MGAM2: variants seen among roughly 807,000 people sequenced by gnomAD.
MGAM2 encodes the protein maltase-glucoamylase 2 (putative).
A neutral mutation model predicts 96.1 loss-of-function variants in MGAM2; 98 were observed. That is an observed-to-expected ratio of 1.02 (90% confidence interval 0.87 to 1.21). The LOEUF is 1.21. Ranked by LOEUF, MGAM2 falls within the 50% of genes most tolerant of loss-of-function variation. The pLI is 0.00. For synonymous variants in MGAM2, 749 were observed against 414.8 expected, an observed-to-expected ratio of 1.81 and a Z score of -9.79; for missense variants, 2,055 against 1,182.4, an observed-to-expected ratio of 1.74 and a Z score of -10.82.
In MGAM2 at chr7:142,221,615, G is replaced by A. The variant is rs971294099; in HGVS notation, c.7104G>A (p.Met2368Ile). The change falls in exon 48 of 48, where the codon ATG (methionine) becomes ATA (isoleucine). Residue 2368 changes from methionine (M) to isoleucine (I), a missense_variant. Coordinates refer to ENST00000477922, the MANE Select transcript of MGAM2 (RefSeq NM_001293626.2). ...CTACCAGCACCAAAGATAATACCAT[G>A]AGTCCAGATACAACAGTTACTTCCA... is the stretch of plus-strand genomic sequence containing the variant. ...VTTTSTKDNT[M>I]SPDTTVTSID... The A allele has an allele frequency of 2.1e-6, 1 of 487,120 alleles. No individual in the cohort carries two copies. Among genetic ancestry groups the A allele is most frequent in the Non-Finnish European group, 3.6e-6 (1 of 279,366 alleles). 30.2% of individuals were successfully genotyped at this position (487,120 alleles called of 1,614,324 possible). A position where few individuals can be genotyped will look rare whatever the true frequency, so the allele number is the denominator to read the frequency against.
At chr7:142,134,298 A>G (rs1311041806) in intron 7 of MGAM2, 146 bp downstream of exon 7, 2 of 417,108 alleles carry the variant, frequency 4.8e-6, no homozygotes, top group Non-Finnish European at 4.2e-6. Flanking sequence ...GAGGCCTATA[A>G]ATTCAGGAAT....
At chr7:142,192,205 T>A (rs1796892279) in intron 37 of MGAM2, among the ~76,000 whole-genome samples, 1 of 152,150 alleles carries the variant, frequency 6.6e-6, no homozygotes, top group Admixed American at 6.5e-5. Context: ...AGGGGCAACA[T>A]GGTCTTCCAA....
intron 3 of MGAM2, among the ~76,000 whole-genome samples, chr7:142,121,003 T>G (rs182593568): frequency 1.5e-4 from 23 of 152,296 alleles, no homozygotes; most frequent in African/African-American, 5.5e-4. Flanking sequence ...TATTTAAATT[T>G]TATTTCTTGG....
Position 142,147,502 on chromosome 7 carries a change from G to A in MGAM2, c.1563G>A (p.Thr521=), listed in dbSNP as rs1215585379. ...TTGCAAGAACTCTCTGCATGGACAC[G>A]GAGTTTCATGGGGGCCTTCATTATG... The part of the protein sequence containing the change: ...LLFARTLCMD[T]EFHGGLHYDI... Residue 521 remains threonine, a synonymous_variant, in exon 15 of 48, where the codon ACG becomes ACA. Transcript: ENST00000477922. 1.0e-5 allele frequency: 7 copies of A among 702,680 alleles called. No homozygotes were observed. The highest frequency in any genetic ancestry group is 3.5e-5 in the African/African-American group (2 of 57,224). 43.5% of individuals were successfully genotyped at this position (702,680 alleles called of 1,614,324 possible).
intron 6 of MGAM2, among the ~76,000 whole-genome samples, chr7:142,132,927 T>C (rs1794943188): frequency 7.6e-6 from 1 of 131,140 alleles, no homozygotes; most frequent in Non-Finnish European, 1.5e-5. Context: ...GTCATATTTA[T>C]ACGTTAAATA....
At position 142,167,508 on chromosome 7, in the gene MGAM2, C is replaced by T. The variant is rs1002652603; in HGVS notation, c.3027+22C>T. 12 of 702,916 alleles carry T rather than the reference C, an allele frequency of 1.7e-5. No individual in the cohort carries two copies. The African/African-American group carries it at 1.9e-4, about 11-fold the overall frequency. The allele number at this position is 702,916 out of a possible 1,614,324, so 43.5% of individuals were successfully genotyped here. A position where few individuals can be genotyped will look rare whatever the true frequency, so the allele number is the denominator to read the frequency against. ...CAAGGTAAGGCCCATGTTGCAGATT[C>T]TGGTTCTCAAGATGGAGTTTTTAAT... is the stretch of plus-strand genomic sequence containing the variant. On this transcript the variant is annotated intron_variant, in intron 26 of 47. Transcript: ENST00000477922.
At chr7:142,211,019 A>C (rs1797565803) in intron 46 of MGAM2, among the ~76,000 whole-genome samples, 1 of 152,242 alleles carries the variant, frequency 6.6e-6, no homozygotes. Flanking sequence ...ACTGTTCTGC[A>C]GTCTCCACTG....
At position 142,196,236 on chromosome 7, in the gene MGAM2, C is replaced by T. The variant is rs1354813055; in HGVS notation, c.4429C>T (p.Arg1477Trp). 1.8e-5 allele frequency: 17 copies of T among 965,964 alleles called. No individual in the cohort carries two copies. The highest frequency in any genetic ancestry group is 6.0e-5 in the Admixed American group (3 of 50,376). The allele number at this position is 965,964 out of a possible 1,614,324, so 59.8% of individuals were successfully genotyped here. The change falls in exon 38 of 48, where the codon CGG becomes TGG. Residue 1477 changes from arginine to tryptophan, a missense_variant. Arg to Trp is a moderately radical substitution (Grantham distance 101). Coordinates refer to ENST00000477922, the MANE Select transcript of MGAM2 (RefSeq NM_001293626.2). ...FPSSGRWGGH[R>W]LGNNTAAWDQ... ...CTCTTCTGGACGCTGGGGAGGACACCGGTTGGGAAACAACACAGCTGCATG... is the reference window on the plus strand; with the variant it reads ...CTCTTCTGGACGCTGGGGAGGACACTGGTTGGGAAACAACACAGCTGCATG...
At chr7:142,191,431 C>T (rs1380953263) in intron 37 of MGAM2, among the ~76,000 whole-genome samples, 2 of 152,126 alleles carry the variant, frequency 1.3e-5, no homozygotes, top group Non-Finnish European at 2.9e-5. Flanking sequence ...AGGTATTACA[C>T]CAAGATCTGT....
At position 142,197,381 on chromosome 7, in the gene MGAM2, T is replaced by C. The variant is rs1797077324; in HGVS notation, c.4633-19T>C. 7.1e-6 allele frequency: 5 copies of C among 702,336 alleles called. No homozygotes were observed. The East Asian group carries it at 1.3e-4, about 19-fold the overall frequency. 43.5% of individuals were successfully genotyped at this position (702,336 alleles called of 1,614,324 possible). A position where few individuals can be genotyped will look rare whatever the true frequency, so the allele number is the denominator to read the frequency against. ...AATGAAGAAGAGGTGATCCATTATA[T>C]GCTTCTTTATCCTTACAGAGACAAG... On this transcript the variant is annotated intron_variant, in intron 40 of 47. Coordinates refer to ENST00000477922, the MANE Select transcript of MGAM2 (RefSeq NM_001293626.2).
intron 17 of MGAM2, among the ~76,000 whole-genome samples, chr7:142,157,384 C>T (rs1795764246): frequency 6.8e-6 from 1 of 148,126 alleles, no homozygotes; most frequent in Non-Finnish European, 1.5e-5. Context: ...CCTCAGAAGA[C>T]AGACACCAAT....
rs1014479593 is a variant in MGAM2, at chr7:142,220,320, G to C, written c.5809G>C (p.Val1937Leu). The C allele has an allele frequency of 8.1e-5, 57 of 701,414 alleles. No individual in the cohort carries two copies. The East Asian group carries it at 1.4e-3, about 18-fold the overall frequency. 43.4% of individuals were successfully genotyped at this position (701,414 alleles called of 1,614,324 possible). A position where few individuals can be genotyped will look rare whatever the true frequency, so the allele number is the denominator to read the frequency against. The change falls in exon 48 of 48, where the codon GTT (valine) becomes CTT (leucine). Residue 1937 changes from valine to leucine, a missense_variant. Transcript: ENST00000477922. ...TAGTACTGCTAGCACTAATGCTACT[G>C]TTCCTATCACAACCACATGTTTTGC... Reference protein sequence around the residue: ...NASTASTNATVPITTTCFATS... With the variant: ...NASTASTNATLPITTTCFATS...
chr7:142,149,821 G>C lies in MGAM2; in HGVS notation c.1634+2248G>C, dbSNP rs527722591. Among the ~76,000 whole-genome samples the C allele has an allele frequency of 8.6e-5, 13 of 151,994 alleles. No homozygotes were observed. The East Asian group carries it at 1.7e-3, about 20-fold the overall frequency. On this transcript the variant is annotated intron_variant, in intron 15 of 47. Transcript: ENST00000477922. Reference sequence around the variant, plus strand: ...CTCCCAAAGTGCTGGGATTACAGGCGTGAGCCACCGCGCCCGGCCTTACTT... The same window carrying C: ...CTCCCAAAGTGCTGGGATTACAGGCCTGAGCCACCGCGCCCGGCCTTACTT...
Position 142,164,938 on chromosome 7 carries a change from T to C in MGAM2, c.2567T>C (p.Met856Thr), listed in dbSNP as rs777825203. The C allele has an allele frequency of 5.7e-6, 4 of 702,840 alleles. No homozygotes were observed. Among genetic ancestry groups the C allele is most frequent in the South Asian group, 4.4e-5 (3 of 67,574 alleles). The allele number at this position is 702,840 out of a possible 1,614,324, so 43.5% of individuals were successfully genotyped here. ...LMFTDITILG[M>T]DKQPANFIVL... Reference sequence around the variant, plus strand: ...TTCACAGATATCACAATCTTGGGAATGGACAAACAGCCAGCTAATTTTATC... The same window carrying C: ...TTCACAGATATCACAATCTTGGGAACGGACAAACAGCCAGCTAATTTTATC... The change falls in exon 24 of 48, where the codon ATG (methionine) becomes ACG (threonine). Residue 856 changes from methionine (M) to threonine (T), a missense_variant. Physicochemically the swap from Met to Thr is moderately conservative, Grantham distance 81. Coordinates refer to ENST00000477922, the MANE Select transcript of MGAM2 (RefSeq NM_001293626.2).
At chr7:142,153,364 T>C (rs1247894388) in intron 15 of MGAM2, among the ~76,000 whole-genome samples, 1 of 152,268 alleles carries the variant, frequency 6.6e-6, no homozygotes, top group African/African-American at 2.4e-5. Flanking sequence ...ATGAAAATAA[T>C]ATTTTCTATG....
chr7:142,203,407 C>A (rs1216558795), intron 45 of MGAM2, among the ~76,000 whole-genome samples: 1 of 152,054 alleles, frequency 6.6e-6, no homozygotes, highest in Non-Finnish European at 1.5e-5. Flanking sequence ...ATTCCATGCT[C>A]ATGGATTTGA....
chr7:142,129,410 G>A (rs879360708), intron 3 of MGAM2, among the ~76,000 whole-genome samples: 13 of 152,230 alleles, frequency 8.5e-5, no homozygotes, highest in Admixed American at 2.6e-4. Flanking sequence ...GTTTTGAAAC[G>A]CGAGGCCATG....
intron 23 of MGAM2, among the ~76,000 whole-genome samples, chr7:142,163,272 A>C (rs2129087317): frequency 6.6e-6 from 1 of 152,206 alleles, no homozygotes; most frequent in East Asian, 1.9e-4. Context: ...TGTGAACATA[A>C]GTTTGTTTTT....
chr7:142,138,209 G>C (rs901808627), intron 9 of MGAM2, among the ~76,000 whole-genome samples: 2 of 152,320 alleles, frequency 1.3e-5, no homozygotes, highest in African/African-American at 2.4e-5. Flanking sequence ...CAGGAGCTAT[G>C]TTTGCTCTGT....
Sources: gnomAD v4.1 joint callset for allele counts (sites outside exome capture counted in the v4.1 genomes callset) on GRCh38, gnomAD v4.1.1 for gene constraint, MANE v1.5 for transcripts, NCBI Gene and HGNC (gene_info 2026-07-23, HGNC 2026-07-21) for gene names.